The following CFAP119 variants were observed in gnomAD, a reference collection of about 807,000 sequenced individuals.
CFAP119 encodes the protein cilia- and flagella-associated protein 119.
chr16:30,757,455 T>A, the CFAP119 span: 6 of 1,607,310 alleles, frequency 3.7e-6, no homozygotes, highest in Non-Finnish European at 5.1e-6. Flanking sequence ...CCCAGACCTT[T>A]ATTGGGGAAA....
chr16:30,757,441 C>T, the CFAP119 span: 1 of 1,596,430 alleles, frequency 6.3e-7, no homozygotes, highest in Non-Finnish European at 8.6e-7. Context: ...TGGTGCCATT[C>T]TGGCCCAGAC....
At chr16:30,761,714 A>G in the CFAP119 span, 12 of 1,530,962 alleles carry the variant, frequency 7.8e-6, no homozygotes, top group Non-Finnish European at 1.0e-5. Context: ...CTGCACCCTC[A>G]TTCCCAAAAA....
the CFAP119 span, chr16:30,757,483 GTCTTGC>G: frequency 6.2e-7 from 1 of 1,613,574 alleles, no homozygotes; most frequent in Non-Finnish European, 8.5e-7. Flanking sequence ...GGGTCACTTG[GTCTTGC>G]TCTTGCCTTT....
At chr16:30,761,574 C>G in the CFAP119 span, 1 of 1,536,176 alleles carries the variant, frequency 6.5e-7, no homozygotes, top group Non-Finnish European at 8.7e-7. Context: ...GGGTCTTCAT[C>G]CGCTTTCGCC....
chr16:30,758,794 A>G, the CFAP119 span: 1 of 739,450 alleles, frequency 1.4e-6, no homozygotes, highest in South Asian at 1.9e-5. Context: ...AGCTCAGGCA[A>G]TCCGCCTGCC....
the CFAP119 span, chr16:30,760,435 C>T: frequency 6.2e-7 from 1 of 1,614,124 alleles, no homozygotes; most frequent in Middle Eastern, 1.7e-4. Flanking sequence ...ACCCTAGCTC[C>T]AGCAGCTCAG....
At chr16:30,759,660 T>A in the CFAP119 span, 1 of 1,613,190 alleles carries the variant, frequency 6.2e-7, no homozygotes, top group Non-Finnish European at 8.5e-7. Context: ...TGACCCTGAC[T>A]CCATGGCAAA....
At chr16:30,761,940 G>C in the CFAP119 span, 1 of 600,812 alleles carries the variant, frequency 1.7e-6, no homozygotes. Flanking sequence ...GTTGCCAAGG[G>C]GGCTTGTGAG....
the CFAP119 span, chr16:30,757,451 C>G: frequency 6.2e-7 from 1 of 1,605,086 alleles, no homozygotes; most frequent in Non-Finnish European, 8.5e-7. Flanking sequence ...CTGGCCCAGA[C>G]CTTTATTGGG....
chr16:30,761,463 T>C, the CFAP119 span: 2 of 1,514,182 alleles, frequency 1.3e-6, no homozygotes, highest in South Asian at 1.2e-5. Flanking sequence ...TCCCGAACGT[T>C]AGTAAGCATA....
chr16:30,759,959 G>T, the CFAP119 span: 1 of 1,447,662 alleles, frequency 6.9e-7, no homozygotes, highest in African/African-American at 1.4e-5. Context: ...TATATTCTAG[G>T]GGAATAAACC....
At chr16:30,762,035 G>A in the CFAP119 span, 1 of 486,104 alleles carries the variant, frequency 2.1e-6, no homozygotes. Context: ...TGCCCACCTG[G>A]GCGCCCTCTC....
At chr16:30,760,799 T>C in the CFAP119 span, 1 of 791,110 alleles carries the variant, frequency 1.3e-6, no homozygotes. Context: ...GCTGTGTGAC[T>C]ATGCAAATCG....
the CFAP119 span, chr16:30,761,651 C>T: frequency 8.9e-5 from 137 of 1,535,978 alleles, 3 homozygotes; most frequent in South Asian, 1.5e-3. Context: ...ATGCACTGAG[C>T]TGCGATCCTT....
the CFAP119 span, chr16:30,759,357 G>T: frequency 6.2e-7 from 1 of 1,614,168 alleles, no homozygotes; most frequent in Non-Finnish European, 8.5e-7. Flanking sequence ...GTGTGAAGAC[G>T]TATTTATAGA....
At chr16:30,759,322 C>T in the CFAP119 span, 3 of 1,612,628 alleles carry the variant, frequency 1.9e-6, no homozygotes, top group East Asian at 4.5e-5. Flanking sequence ...GGTGGCTCCT[C>T]ATGGTCCACC....
At chr16:30,759,194 CCA>C in the CFAP119 span, 676 of 1,614,230 alleles carry the variant, frequency 4.2e-4, 5 homozygotes, top group East Asian at 0.012. Context: ...CACTCTCTGG[CCA>C]CAGTTTGGGT....
At chr16:30,759,186 C>T in the CFAP119 span, 1 of 1,614,210 alleles carries the variant, frequency 6.2e-7, no homozygotes, top group Non-Finnish European at 8.5e-7. Flanking sequence ...ACCCGTCTCA[C>T]TCTCTGGCCA....
chr16:30,760,237 G>T, the CFAP119 span: 8 of 1,613,600 alleles, frequency 5.0e-6, no homozygotes, highest in Non-Finnish European at 6.8e-6. Context: ...GCCAGGCCCG[G>T]TTCCTCTTCT....
Sources: allele counts gnomAD v4.1 joint callset, GRCh38; gene constraint gnomAD v4.1.1; transcripts MANE v1.5; gene names NCBI Gene and HGNC (gene_info 2026-07-23, HGNC 2026-07-21).